Variants in WWOX observed in about 807,000 individuals in gnomAD.
WWOX encodes the protein WW domain-containing oxidoreductase.
In WWOX, 69 loss-of-function variants were observed where a neutral mutation model predicts 46.2. The observed-to-expected ratio is 1.49, with a 90% confidence interval of 1.23 to 1.82. The LOEUF (loss-of-function observed/expected upper bound fraction) is 1.82. Ranked by LOEUF, WWOX falls within the 40% of genes most tolerant of loss-of-function variation. The probability of loss-of-function intolerance (pLI) is 0.00; values close to 1 mark genes in which losing one functional copy is unlikely to be tolerated. For synonymous variants in WWOX, 359 were observed against 202.6 expected, an observed-to-expected ratio of 1.77 and a Z score of -6.56; for missense variants, 919 against 542.6, an observed-to-expected ratio of 1.69 and a Z score of -6.89.
At chr16:79,015,185 G>A (rs1194389828) in intron 8 of WWOX, among the ~76,000 whole-genome samples, 1 of 152,136 alleles carries the variant, frequency 6.6e-6, no homozygotes, top group Non-Finnish European at 1.5e-5. Flanking sequence ...TCTAGGTATG[G>A]TCTTAGGCCC....
intron 3 of WWOX, among the ~76,000 whole-genome samples, chr16:78,112,511 A>C (rs1173598893): frequency 6.6e-6 from 1 of 152,208 alleles, no homozygotes; most frequent in East Asian, 1.9e-4. Flanking sequence ...GAAGTCTCCC[A>C]GGCCACCATA....
intron 8 of WWOX, among the ~76,000 whole-genome samples, chr16:78,476,977 A>G (rs921359964): frequency 2.0e-5 from 3 of 150,814 alleles, no homozygotes; most frequent in Non-Finnish European, 4.4e-5. Flanking sequence ...TTTATTTAAC[A>G]TTATAAATAC....
At chr16:79,113,353 A>G (rs1242907865) in intron 8 of WWOX, among the ~76,000 whole-genome samples, 1 of 152,200 alleles carries the variant, frequency 6.6e-6, no homozygotes, top group Non-Finnish European at 1.5e-5. Flanking sequence ...GTTATGCCCC[A>G]TCAGGGGGCA....
chr16:78,319,210 A>C (rs925406141), intron 5 of WWOX, among the ~76,000 whole-genome samples: 1 of 152,070 alleles, frequency 6.6e-6, no homozygotes, highest in African/African-American at 2.4e-5. Context: ...CAGCCTCTAG[A>C]AGGTGGAAAA....
intron 8 of WWOX, among the ~76,000 whole-genome samples, chr16:78,475,032 G>C (rs890011175): frequency 6.6e-6 from 1 of 152,112 alleles, no homozygotes; most frequent in Non-Finnish European, 1.5e-5. Flanking sequence ...CACTAACAGT[G>C]CTAACATAGC....
chr16:79,184,035 G>A (rs761582021), intron 8 of WWOX, among the ~76,000 whole-genome samples: 5 of 152,136 alleles, frequency 3.3e-5, no homozygotes, highest in African/African-American at 9.7e-5. Flanking sequence ...TCCTTTATTA[G>A]TGCTTTTGCT....
chr16:78,852,664 A>G (rs2052474596), intron 8 of WWOX, among the ~76,000 whole-genome samples: 1 of 152,206 alleles, frequency 6.6e-6, no homozygotes, highest in East Asian at 1.9e-4. Context: ...TTAATTTTTA[A>G]GATGCTTCAT....
chr16:78,609,477 A>G (rs1015922059), intron 8 of WWOX, among the ~76,000 whole-genome samples: 1 of 140,850 alleles, frequency 7.1e-6, no homozygotes, highest in African/African-American at 2.9e-5. Flanking sequence ...CTTAAAAAAG[A>G]AAAAAAAAAA....
chr16:78,641,004 A>C (rs1237160328), intron 8 of WWOX, among the ~76,000 whole-genome samples: 1 of 151,898 alleles, frequency 6.6e-6, no homozygotes, highest in Admixed American at 6.6e-5. Flanking sequence ...AGGGAAGGGA[A>C]AGGAAAGGAA....
At chr16:78,304,521 G>T (rs1319224414) in intron 5 of WWOX, among the ~76,000 whole-genome samples, 1 of 152,134 alleles carries the variant, frequency 6.6e-6, no homozygotes, top group South Asian at 2.1e-4. Flanking sequence ...AATGTCTGCA[G>T]GGTAAGCACA....
chr16:78,135,223 T>C (rs2033746095), intron 4 of WWOX, among the ~76,000 whole-genome samples: 1 of 152,284 alleles, frequency 6.6e-6, no homozygotes, highest in East Asian at 1.9e-4. Context: ...CCTAGCAAAG[T>C]GTTCACATGA....
At chr16:79,077,903 G>A (rs953330744) in intron 8 of WWOX, 1 of 152,144 alleles carries the variant, frequency 6.6e-6, no homozygotes, top group African/African-American at 2.4e-5. Context: ...GAGAGGCATT[G>A]TGGACGCCTG....
At chr16:79,148,725 A>C (rs1171768641) in intron 8 of WWOX, among the ~76,000 whole-genome samples, 1 of 152,090 alleles carries the variant, frequency 6.6e-6, no homozygotes, top group African/African-American at 2.4e-5. Flanking sequence ...ATGTAATTCT[A>C]TTTATTTAGT....
intron 8 of WWOX, among the ~76,000 whole-genome samples, chr16:79,124,553 AT>A (rs1301886071): frequency 6.6e-6 from 1 of 152,130 alleles, no homozygotes; most frequent in African/African-American, 2.4e-5. Flanking sequence ...ATCTTTTGTT[AT>A]ACCCGAAGTG....
chr16:78,916,052 A>G (rs947569378), intron 8 of WWOX, among the ~76,000 whole-genome samples: 3 of 152,152 alleles, frequency 2.0e-5, no homozygotes, highest in Non-Finnish European at 2.9e-5. Flanking sequence ...GTCTTCTCTG[A>G]GTGTGCAGAC....
chr16:79,033,611 T>G (rs904835893), intron 8 of WWOX, among the ~76,000 whole-genome samples: 9 of 152,098 alleles, frequency 5.9e-5, no homozygotes, highest in African/African-American at 2.2e-4. Flanking sequence ...TTGAGTGGCT[T>G]TAAGGGCATT....
intron 5 of WWOX, among the ~76,000 whole-genome samples, chr16:78,237,020 G>A (rs1266460330): frequency 3.4e-5 from 5 of 146,176 alleles, no homozygotes; most frequent in Non-Finnish European, 7.4e-5. Flanking sequence ...GTTGCAGTGA[G>A]CCGAGATCAC....
intron 5 of WWOX, among the ~76,000 whole-genome samples, chr16:78,175,475 A>C (rs1465576010): frequency 1.3e-5 from 2 of 152,162 alleles, no homozygotes; most frequent in African/African-American, 2.4e-5. Flanking sequence ...ATGACTCCTG[A>C]GGTAGGTCCT....
At chr16:78,307,397 G>A (rs1266621546) in intron 5 of WWOX, among the ~76,000 whole-genome samples, 1 of 152,142 alleles carries the variant, frequency 6.6e-6, no homozygotes. Context: ...TTACCGAAGT[G>A]GGCCCTAAGT....
Sources: allele counts gnomAD v4.1 joint callset (sites outside exome capture counted in the v4.1 genomes callset), GRCh38; gene constraint gnomAD v4.1.1; transcripts MANE v1.5; gene names NCBI Gene and HGNC (gene_info 2026-07-23, HGNC 2026-07-21).